PI15: variants seen among roughly 807,000 people sequenced by gnomAD.
PI15 encodes the protein peptidase inhibitor 15, also known as 25 kDa trypsin inhibitor.
In PI15, 18 loss-of-function variants were observed where a neutral mutation model predicts 31.0. The ratio of observed to expected loss-of-function variants is 0.58; its 90% confidence interval spans 0.40 to 0.86. The LOEUF (loss-of-function observed/expected upper bound fraction) is 0.86, where lower values mean the gene tolerates loss of function less well. Among genes scored for constraint, PI15 ranks in the 40% least tolerant of loss-of-function variants. The pLI is 0.00. For missense variants in PI15, 282 were observed against 328.1 expected, an observed-to-expected ratio of 0.86 and a Z score of 1.09; for synonymous variants, 118 against 119.1, an observed-to-expected ratio of 0.99 and a Z score of 0.06.
At position 74,841,547 on chromosome 8, in the gene PI15, T is replaced by C. The variant is rs140839673; in HGVS notation, c.274-2434T>C. ...ATTTTAGCGTAAGATTATAAGAAAG[T>C]GTTTTTAGCAGTTACAGATCTGAGT... On this transcript the variant is annotated intron_variant, in intron 2 of 5. Transcript: ENST00000260113. Among the ~76,000 whole-genome samples, 141 of 152,350 alleles carry C rather than the reference T, an allele frequency of 9.3e-4. 1 individual carries two copies. Among genetic ancestry groups the C allele is most frequent in the African/African-American group, 3.3e-3 (138 of 41,574 alleles).
At chr8:74,842,013 C>CTT (rs142727868) in intron 2 of PI15, among the ~76,000 whole-genome samples, 3 of 151,362 alleles carry the variant, frequency 2.0e-5, no homozygotes, top group Non-Finnish European at 4.4e-5. Context: ...AAGAGTTTAT[C>CTT]TTTTTTTTTC....
intron 5 of PI15, chr8:74,845,773 A>C (rs541351920): frequency 4.0e-4 from 157 of 393,336 alleles, no homozygotes; most frequent in Middle Eastern, 7.4e-4. Context: ...TGGCAATTGT[A>C]AAATAAACAC....
chr8:74,829,013 T>C (rs1810740752), intron 2 of PI15, among the ~76,000 whole-genome samples: 1 of 151,154 alleles, frequency 6.6e-6, no homozygotes. Flanking sequence ...CATGAAGTGA[T>C]TTACAGTTAC....
intron 2 of PI15, among the ~76,000 whole-genome samples, chr8:74,834,427 A>G (rs551634282): frequency 2.6e-5 from 4 of 152,316 alleles, no homozygotes; most frequent in East Asian, 3.9e-4. Flanking sequence ...CCTATATGTC[A>G]TAGATCCTTG....
In PI15 at chr8:74,849,466, C is replaced by T; in HGVS notation, c.*213C>T. The T allele has an allele frequency of 2.2e-6, 1 of 445,674 alleles. No individual in the cohort carries two copies. Among genetic ancestry groups the T allele is most frequent in the Non-Finnish European group, 4.0e-6 (1 of 252,812 alleles). 27.6% of individuals were successfully genotyped at this position (445,674 alleles called of 1,614,324 possible). ...CAATTTCTATTTTCTGACCTCTAAG[C>T]CTAAATTAAGATATTGTATATGTAA... On this transcript the variant is annotated 3_prime_UTR_variant, in exon 6 of 6. Coordinates refer to ENST00000260113, the MANE Select transcript of PI15 (RefSeq NM_015886.5).
chr8:74,841,423 C>A lies in PI15; in HGVS notation c.274-2558C>A, dbSNP rs187599077. Among the ~76,000 whole-genome samples the A allele has an allele frequency of 1.9e-3, 291 of 152,256 alleles. 9 individuals carry two copies. Among genetic ancestry groups the A allele is most frequent in the Admixed American group, 0.018 (277 of 15,284 alleles). ...TACAGATGAGTTAACTGGGAGATCA[C>A]AATTGACATGGCCTCAGTCGCAGAT... is the stretch of plus-strand genomic sequence containing the variant. On this transcript the variant is annotated intron_variant, in intron 2 of 5. Transcript: ENST00000260113.
At position 74,849,136 on chromosome 8, in the gene PI15, A is replaced by G. The variant is rs746717516; in HGVS notation, c.660A>G (p.Glu220=). Residue 220 remains glutamate, a synonymous_variant, in exon 6 of 6, where the codon GAA becomes GAG. Transcript: ENST00000260113. The part of the protein sequence containing the change: ...NYAPKGNWIG[E]APYKVGVPCS... ...CTTCTAGGGGCAATTGGATTGGAGA[A>G]GCACCATATAAAGTAGGGGTACCAT... 6.8e-6 allele frequency: 11 copies of G among 1,612,898 alleles called. No homozygotes were observed. Among genetic ancestry groups the G allele is most frequent in the Admixed American group, 1.7e-5 (1 of 59,856 alleles).
In PI15 at chr8:74,825,662, T is replaced by G. The variant is rs73689265; in HGVS notation, c.273+140T>G. On this transcript the variant is annotated intron_variant, in intron 2 of 5. Transcript: ENST00000260113. ...TACATATTTTAACCTAAGGTTCTTA[T>G]GTGCCTAATAATGTTGAGTACTGTT... The G allele has an allele frequency of 4.6e-3, 3,141 of 676,734 alleles. 72 individuals carry two copies. The African/African-American group carries it at 0.05, about 11-fold the overall frequency. 41.9% of individuals were successfully genotyped at this position (676,734 alleles called of 1,614,324 possible). A position where few individuals can be genotyped will look rare whatever the true frequency, so the allele number is the denominator to read the frequency against.
chr8:74,848,730 T>G (rs34194502), intron 5 of PI15, among the ~76,000 whole-genome samples: 24,730 of 139,844 alleles, frequency 0.18, 2,167 homozygotes, highest in Admixed American at 0.23. Context: ...TATATATATA[T>G]ATAGAGAGAG....
intron 2 of PI15, among the ~76,000 whole-genome samples, chr8:74,833,090 T>C (rs893014757): frequency 6.6e-6 from 1 of 152,064 alleles, no homozygotes; most frequent in Non-Finnish European, 1.5e-5. Flanking sequence ...TGGCAAGATA[T>C]GAGGTTTGCA....
In PI15 at chr8:74,853,244, T is replaced by C. The variant is rs1458582434; in HGVS notation, c.*3991T>C. On this transcript the variant is annotated 3_prime_UTR_variant, in exon 6 of 6. Transcript: ENST00000260113. ...TTTTTTATTCAGTGTGAACTGTCAG[T>C]ATCTATTCTGGTGCTAAATGTATGG... 1 of 152,554 alleles carries C rather than the reference T, an allele frequency of 6.6e-6. No individual in the cohort carries two copies. The highest frequency in any genetic ancestry group is 2.4e-5 in the African/African-American group (1 of 41,458). 9.5% of individuals were successfully genotyped at this position (152,554 alleles called of 1,614,324 possible).
chr8:74,841,920 T>C (rs1016578724), intron 2 of PI15, among the ~76,000 whole-genome samples: 3 of 152,350 alleles, frequency 2.0e-5, no homozygotes, highest in African/African-American at 7.2e-5. Flanking sequence ...AAGATGACTT[T>C]GTTTTTCCTA....
In PI15 at chr8:74,825,193, A is replaced by G; in HGVS notation, c.-40-17A>G. Reference sequence around the variant, plus strand: ...ATTTTTTTTCATAGACCCTAACTCTACCTTTCTGCTTTAAAGCAAAGTAAA... The same window carrying G: ...ATTTTTTTTCATAGACCCTAACTCTGCCTTTCTGCTTTAAAGCAAAGTAAA... On this transcript the variant is annotated splice_polypyrimidine_tract_variant and intron_variant, in intron 1 of 5. Transcript: ENST00000260113. 2 of 1,528,508 alleles carry G rather than the reference A, an allele frequency of 1.3e-6. No homozygotes were observed. The highest frequency in any genetic ancestry group is 1.8e-6 in the Non-Finnish European group (2 of 1,107,722). The allele number at this position is 1,528,508 out of a possible 1,614,324, so 94.7% of individuals were successfully genotyped here.
At position 74,844,015 on chromosome 8, in the gene PI15, C is replaced by A; in HGVS notation, c.308C>A (p.Ala103Asp). The A allele has an allele frequency of 1.2e-6, 2 of 1,608,106 alleles. No homozygotes were observed. Among genetic ancestry groups the A allele is most frequent in the Non-Finnish European group, 1.7e-6 (2 of 1,174,590 alleles). The change falls in exon 3 of 6, where the codon GCT becomes GAT. Residue 103 changes from alanine (A) to aspartate (D), a missense_variant. Transcript: ENST00000260113. ...GAAAATCTTGCAAAATCGGCAGAGG[C>A]TTGGGCGGCTACTTGCATTTGGGAC... ...WDENLAKSAEAWAATCIWDHG... is the reference protein window; with the variant it reads ...WDENLAKSAEDWAATCIWDHG...
chr8:74,827,303 T>C lies in PI15; in HGVS notation c.273+1781T>C, dbSNP rs1007963307. On this transcript the variant is annotated intron_variant, in intron 2 of 5. Transcript: ENST00000260113. Reference sequence around the variant, plus strand: ...AATGCAATTCACTATTTTTATCCTATTGAGGTCAGAGCGTTCACCACGAGG... The same window carrying C: ...AATGCAATTCACTATTTTTATCCTACTGAGGTCAGAGCGTTCACCACGAGG... Among the ~76,000 whole-genome samples the C allele has an allele frequency of 6.6e-5, 10 of 152,076 alleles. 1 individual carries two copies. The East Asian group carries it at 1.4e-3, about 21-fold the overall frequency.
chr8:74,848,835 G>A lies in PI15; in HGVS notation c.642-283G>A, dbSNP rs555262198. On this transcript the variant is annotated intron_variant, in intron 5 of 5. Transcript: ENST00000260113. The stretch of plus-strand genomic sequence containing the variant: ...TGCAAGCTCCACCTCCTGGGTTCAC[G>A]CCATTCTTCTGCCTCAGCCTCCCCA... Among the ~76,000 whole-genome samples the A allele has an allele frequency of 1.9e-4, 28 of 150,418 alleles. 1 individual carries two copies. The highest frequency in any genetic ancestry group is 1.5e-3 in the South Asian group (7 of 4,766).
At chr8:74,830,731 C>A (rs900322622) in intron 2 of PI15, among the ~76,000 whole-genome samples, 1 of 152,014 alleles carries the variant, frequency 6.6e-6, no homozygotes, top group South Asian at 2.1e-4. Flanking sequence ...AAGCCATATA[C>A]CGTCCCACAA....
rs1353295139 is a variant in PI15, at chr8:74,849,298, G to T, written c.*45G>T. ...AAATATAATGATTTCTGGGAACATG[G>T]GCATGTATATATATATATGGAGAGA... On this transcript the variant is annotated 3_prime_UTR_variant, in exon 6 of 6. Coordinates refer to ENST00000260113, the MANE Select transcript of PI15 (RefSeq NM_015886.5). The T allele has an allele frequency of 6.7e-7, 1 of 1,503,048 alleles. No homozygotes were observed. The highest frequency in any genetic ancestry group is 1.2e-5 in the South Asian group (1 of 85,414). The allele number at this position is 1,503,048 out of a possible 1,614,324, so 93.1% of individuals were successfully genotyped here.
At chr8:74,838,636 A>G (rs1810903369) in intron 2 of PI15, among the ~76,000 whole-genome samples, 1 of 151,860 alleles carries the variant, frequency 6.6e-6, no homozygotes, top group Admixed American at 6.6e-5. Context: ...CTCAATGTTT[A>G]GCTCCCACTT....
Sources: gnomAD v4.1 joint callset for allele counts (sites outside exome capture counted in the v4.1 genomes callset) on GRCh38, gnomAD v4.1.1 for gene constraint, MANE v1.5 for transcripts, NCBI Gene and HGNC (gene_info 2026-07-23, HGNC 2026-07-21) for gene names.